The following SYN3 variants were observed in gnomAD, a reference collection of about 807,000 sequenced individuals.
SYN3 encodes synapsin-3.
SYN3 carries 35 observed loss-of-function variants against 65.8 expected under a neutral mutation model. That is an observed-to-expected ratio of 0.53 (90% CI 0.41 to 0.70). SYN3 has a LOEUF of 0.70. SYN3 is among the 30% of genes least tolerant of loss of function. SYN3 has a pLI of 0.00. For synonymous variants in SYN3, 270 were observed against 292.9 expected, an observed-to-expected ratio of 0.92 and a Z score of 0.80; for missense variants, 680 against 749.0, an observed-to-expected ratio of 0.91 and a Z score of 1.08.
intron 1 of SYN3, among the ~76,000 whole-genome samples, chr22:33,012,579 T>C (rs942874403): frequency 2.0e-5 from 3 of 152,214 alleles, no homozygotes; most frequent in African/African-American, 4.8e-5. Context: ...AGGAAGTTTA[T>C]TAGGCAGTGC....
chr22:33,051,753 T>G (rs933571036), intron 1 of SYN3, among the ~76,000 whole-genome samples: 2 of 152,046 alleles, frequency 1.3e-5, no homozygotes, highest in African/African-American at 2.4e-5. Flanking sequence ...TTCAAGAGTC[T>G]CTGGAGAAAC....
chr22:32,987,434 G>A (rs241713), intron 2 of SYN3, among the ~76,000 whole-genome samples: 64,789 of 151,926 alleles, frequency 0.43, 13,870 homozygotes, highest in Middle Eastern at 0.48. Flanking sequence ...TAGCTCCATT[G>A]TTTTCTCCTG....
intron 2 of SYN3, among the ~76,000 whole-genome samples, chr22:32,990,468 C>CCA (rs2052681340): frequency 6.6e-6 from 1 of 151,582 alleles, no homozygotes; most frequent in African/African-American, 2.4e-5. Context: ...GCCCACCTAC[C>CCA]CACCCATCTA....
chr22:32,704,048 CTTT>C (rs1569160385), intron 6 of SYN3, among the ~76,000 whole-genome samples: 1 of 151,960 alleles, frequency 6.6e-6, no homozygotes, highest in African/African-American at 2.4e-5. Flanking sequence ...TATATTGTAA[CTTT>C]TTTTCTTTTA....
chr22:32,664,752 G>A (rs988278122), intron 6 of SYN3, among the ~76,000 whole-genome samples: 27 of 151,242 alleles, frequency 1.8e-4, no homozygotes, highest in African/African-American at 6.1e-4. Flanking sequence ...CGCCAAGCCC[G>A]GCTAATTTTT....
chr22:32,618,827 C>T (rs553942426), intron 6 of SYN3, among the ~76,000 whole-genome samples: 1 of 152,292 alleles, frequency 6.6e-6, no homozygotes, highest in East Asian at 1.9e-4. Context: ...GGCCACAGCT[C>T]CTTAAGCTCA....
intron 6 of SYN3, among the ~76,000 whole-genome samples, chr22:32,770,584 C>G (rs1214143416): frequency 6.6e-6 from 1 of 152,196 alleles, no homozygotes; most frequent in Non-Finnish European, 1.5e-5. Context: ...CAGAAACCCA[C>G]ATGGCTCTCT....
At chr22:32,607,242 G>A (rs1286572958) in intron 6 of SYN3, among the ~76,000 whole-genome samples, 1 of 152,138 alleles carries the variant, frequency 6.6e-6, no homozygotes, top group Non-Finnish European at 1.5e-5. Flanking sequence ...GTCTGTGGCT[G>A]CTCAACATTG....
chr22:32,859,657 C>A, intron 6 of SYN3: 1 of 452,436 alleles, frequency 2.2e-6, no homozygotes, highest in East Asian at 4.0e-5. Context: ...TCCTCTTCTT[C>A]GTGATAATAT....
At chr22:32,681,161 G>T (rs1040020199) in intron 6 of SYN3, among the ~76,000 whole-genome samples, 22 of 129,514 alleles carry the variant, frequency 1.7e-4, no homozygotes, top group Admixed American at 1.2e-3. Flanking sequence ...GTCGACAGGG[G>T]TTGCAGAGGG....
chr22:32,794,241 C>T (rs1315261645), intron 6 of SYN3, among the ~76,000 whole-genome samples: 1 of 152,240 alleles, frequency 6.6e-6, no homozygotes, highest in Non-Finnish European at 1.5e-5. Flanking sequence ...ACCACAGCAA[C>T]CTTCTGAGGA....
intron 6 of SYN3, among the ~76,000 whole-genome samples, chr22:32,798,685 C>CTTTTTTT (rs751710119): frequency 2.4e-4 from 22 of 92,486 alleles, no homozygotes; most frequent in Admixed American, 4.0e-4. Context: ...CATCTTCATT[C>CTTTTTTT]TTTTTTTTTT....
intron 6 of SYN3, among the ~76,000 whole-genome samples, chr22:32,689,408 G>A (rs1318173259): frequency 2.6e-5 from 4 of 152,300 alleles, no homozygotes; most frequent in East Asian, 1.9e-4. Flanking sequence ...CCCGTGTCAC[G>A]GGGTACCATG....
chr22:32,697,461 A>G (rs1480954296), intron 6 of SYN3, among the ~76,000 whole-genome samples: 1 of 152,230 alleles, frequency 6.6e-6, no homozygotes, highest in Non-Finnish European at 1.5e-5. Flanking sequence ...AATTCTAGGC[A>G]TGTAAGAGGC....
intron 6 of SYN3, among the ~76,000 whole-genome samples, chr22:32,716,707 G>C (rs1347848733): frequency 6.6e-6 from 1 of 151,860 alleles, no homozygotes; most frequent in Admixed American, 6.6e-5. Context: ...ATTTTTTGTG[G>C]AGACAGGGTT....
chr22:32,711,102 GT>G lies in SYN3; in HGVS notation c.712-114367del, dbSNP rs199635079. Among the ~76,000 whole-genome samples the G allele has an allele frequency of 6.9e-3, 1,048 of 152,312 alleles. 15 individuals are homozygous for G. Among genetic ancestry groups the G allele is most frequent in the African/African-American group, 0.024 (1,006 of 41,564 alleles). ...CCCTGTTTGCCCAAGACTGAGGTGGGTCTTTGGACATGGGAATTTCAGTTTT... is the reference window on the plus strand; with the variant it reads ...CCCTGTTTGCCCAAGACTGAGGTGGGCTTTGGACATGGGAATTTCAGTTTT... On this transcript the variant is annotated intron_variant, in intron 6 of 13. Coordinates refer to ENST00000358763, the MANE Select transcript of SYN3 (RefSeq NM_003490.4).
intron 2 of SYN3, among the ~76,000 whole-genome samples, chr22:32,997,951 C>T (rs951058119): frequency 1.0e-4 from 15 of 149,210 alleles, no homozygotes; most frequent in East Asian, 7.9e-4. Context: ...GGCGTGAACC[C>T]GGGAGACGGA....
chr22:32,514,168 G>A (rs182825147), intron 13 of SYN3, among the ~76,000 whole-genome samples: 5 of 152,278 alleles, frequency 3.3e-5, no homozygotes, highest in Admixed American at 3.3e-4. Context: ...TAGCTTGGCT[G>A]CTCTCCTGCC....
At chr22:32,912,222 G>A (rs1162591650) in intron 4 of SYN3, among the ~76,000 whole-genome samples, 1 of 152,168 alleles carries the variant, frequency 6.6e-6, no homozygotes, top group East Asian at 1.9e-4. Context: ...CAATATGAGA[G>A]GGCATCAGTG....
Sources: gnomAD v4.1 joint callset for allele counts (sites outside exome capture counted in the v4.1 genomes callset) on GRCh38, gnomAD v4.1.1 for gene constraint, MANE v1.5 for transcripts, NCBI Gene and HGNC (gene_info 2026-07-23, HGNC 2026-07-21) for gene names.